Variants in CIMIP2A observed in about 807,000 individuals in gnomAD.
CIMIP2A encodes family with sequence similarity 166 member A.
the CIMIP2A span, chr9:137,245,963 G>T: frequency 6.6e-6 from 6 of 911,326 alleles, no homozygotes; most frequent in Non-Finnish European, 9.3e-6. Context: ...TTAGCAGCAG[G>T]TTGGCCTGTG....
chr9:137,245,964 T>C, the CIMIP2A span: 17 of 909,928 alleles, frequency 1.9e-5, no homozygotes, highest in African/African-American at 2.2e-4. Context: ...TAGCAGCAGG[T>C]TGGCCTGTGG....
chr9:137,252,300 C>A, the CIMIP2A span: 1 of 1,324,826 alleles, frequency 7.5e-7, no homozygotes, highest in Non-Finnish European at 1.0e-6. Context: ...GAGAGGAGGG[C>A]TAGGGCTGGG....
the CIMIP2A span, chr9:137,252,166 C>T: frequency 1.5e-4 from 243 of 1,586,888 alleles, no homozygotes; most frequent in Middle Eastern, 7.1e-4. Context: ...GCCCAACCAC[C>T]GGGCCTGTCC....
the CIMIP2A span, chr9:137,251,267 AAG>A: frequency 2.6e-6 from 4 of 1,532,440 alleles, no homozygotes; most frequent in Non-Finnish European, 3.6e-6. Flanking sequence ...GCCGTTGGGG[AAG>A]AGAGCCAGGA....
the CIMIP2A span, among the ~76,000 whole-genome samples, chr9:137,254,252 T>C: frequency 2.0e-5 from 3 of 152,240 alleles, no homozygotes; most frequent in African/African-American, 7.2e-5. Flanking sequence ...ATTGTGTGTG[T>C]GCTGTGACCC....
chr9:137,251,118 C>A, the CIMIP2A span: 3 of 631,452 alleles, frequency 4.8e-6, no homozygotes, highest in Admixed American at 2.5e-5. Flanking sequence ...CAGGCGGACC[C>A]GCTGATCATC....
chr9:137,251,478 T>A, the CIMIP2A span: 19 of 1,095,146 alleles, frequency 1.7e-5, no homozygotes, highest in Admixed American at 1.7e-4. Flanking sequence ...GGCAGGTTGC[T>A]GGGCAGGCGG....
chr9:137,245,539 T>G, the CIMIP2A span: 1 of 1,613,730 alleles, frequency 6.2e-7, no homozygotes, highest in Non-Finnish European at 8.5e-7. Context: ...AATCTCAAAG[T>G]TCTTAGAGGG....
the CIMIP2A span, chr9:137,252,532 G>A: frequency 7.6e-6 from 12 of 1,586,302 alleles, no homozygotes; most frequent in Non-Finnish European, 9.4e-6. Context: ...AAAGGTTGGG[G>A]GCTGGGCAGG....
At chr9:137,248,215 GTTC>G in the CIMIP2A span, among the ~76,000 whole-genome samples, 1 of 152,160 alleles carries the variant, frequency 6.6e-6, no homozygotes, top group Admixed American at 6.5e-5. Context: ...CCTGAATTTT[GTTC>G]TTTTTTTGTA....
At chr9:137,247,057 G>C in the CIMIP2A span, among the ~76,000 whole-genome samples, 1 of 152,054 alleles carries the variant, frequency 6.6e-6, no homozygotes, top group Admixed American at 6.5e-5. Context: ...AGGCCGAGGT[G>C]GGCAGATCAC....
chr9:137,247,667 C>A, the CIMIP2A span: 1 of 1,613,254 alleles, frequency 6.2e-7, no homozygotes, highest in Non-Finnish European at 8.5e-7. Context: ...CACCCAGGGA[C>A]ATAGTGAGGC....
chr9:137,254,418 C>T, the CIMIP2A span, among the ~76,000 whole-genome samples: 11 of 152,154 alleles, frequency 7.2e-5, no homozygotes, highest in Non-Finnish European at 1.6e-4. Context: ...CTGCTCACGG[C>T]TGCACCACCA....
chr9:137,253,777 T>C, the CIMIP2A span, among the ~76,000 whole-genome samples: 2 of 152,194 alleles, frequency 1.3e-5, no homozygotes, highest in African/African-American at 4.8e-5. Context: ...GAAGGAGGCG[T>C]CAAATGCCCT....
chr9:137,253,091 G>C, the CIMIP2A span: 3 of 1,545,500 alleles, frequency 1.9e-6, no homozygotes, highest in East Asian at 6.8e-5. Context: ...CCTGGGTGGG[G>C]CTCCCAGCCT....
the CIMIP2A span, chr9:137,244,322 C>A: frequency 2.1e-5 from 34 of 1,612,092 alleles, no homozygotes; most frequent in Non-Finnish European, 2.8e-5. Context: ...CAAGCTCCCT[C>A]CCCGGCAGGC....
chr9:137,250,931 G>A, the CIMIP2A span: 20 of 288,026 alleles, frequency 6.9e-5, no homozygotes, highest in African/African-American at 3.6e-4. Flanking sequence ...GGTGGATGCC[G>A]GTGGGTCCTG....
the CIMIP2A span, chr9:137,244,355 A>C: frequency 6.2e-7 from 1 of 1,606,198 alleles, no homozygotes; most frequent in Admixed American, 1.7e-5. Context: ...AAGTTGTCCC[A>C]GTGGGGGCCT....
At chr9:137,250,859 C>A in the CIMIP2A span, 1 of 194,422 alleles carries the variant, frequency 5.1e-6, no homozygotes, top group Non-Finnish European at 1.1e-5. Context: ...TTCCTGGGCC[C>A]CTCCCTCCTA....
Sources: allele counts gnomAD v4.1 joint callset (sites outside exome capture counted in the v4.1 genomes callset), GRCh38; gene constraint gnomAD v4.1.1; transcripts MANE v1.5; gene names NCBI Gene and HGNC (gene_info 2026-07-23, HGNC 2026-07-21).